FGF1: variants seen among roughly 807,000 people sequenced by gnomAD.
FGF1 encodes the protein fibroblast growth factor 1.
Under a neutral mutation model 13.4 loss-of-function variants are expected in FGF1, and 9 were observed. The observed-to-expected ratio is 0.67, with a 90% CI of 0.40 to 1.17. The LOEUF (loss-of-function observed/expected upper bound fraction) is 1.17. FGF1 is among the 50% of genes most tolerant of loss of function. The pLI, the probability that FGF1 is intolerant of heterozygous loss-of-function variation, is 0.01. For missense variants in FGF1, 156 were observed against 192.7 expected, an observed-to-expected ratio of 0.81 and a Z score of 1.13; for synonymous variants, 93 against 79.0, an observed-to-expected ratio of 1.18 and a Z score of -0.94.
chr5:142,696,384 A>G (rs1279883291), intron 2 of FGF1, among the ~76,000 whole-genome samples: 1 of 151,970 alleles, frequency 6.6e-6, no homozygotes, highest in African/African-American at 2.4e-5. Flanking sequence ...CTGGGGAAAC[A>G]CCCCTTCATT....
intron 1 of FGF1, among the ~76,000 whole-genome samples, chr5:142,648,900 T>C (rs1597320547): frequency 1.3e-5 from 2 of 152,044 alleles, no homozygotes; most frequent in East Asian, 1.9e-4. Flanking sequence ...ATGGATGAGA[T>C]GTATGTGCTT....
At chr5:142,646,525 G>A (rs1642998141) in intron 1 of FGF1, among the ~76,000 whole-genome samples, 1 of 152,068 alleles carries the variant, frequency 6.6e-6, no homozygotes, top group South Asian at 2.1e-4. Flanking sequence ...GCTACTTTTT[G>A]TGTTTTTAGT....
intron 1 of FGF1, among the ~76,000 whole-genome samples, chr5:142,673,558 G>A (rs1771898101): frequency 6.6e-6 from 1 of 152,170 alleles, no homozygotes; most frequent in Non-Finnish European, 1.5e-5. Context: ...ATGATTGTGG[G>A]ATATGGTTCT....
intron 1 of FGF1, among the ~76,000 whole-genome samples, chr5:142,646,934 G>A (rs950717533): frequency 1.3e-5 from 2 of 152,148 alleles, no homozygotes; most frequent in Admixed American, 6.5e-5. Flanking sequence ...TAAATCAATC[G>A]GAGTTGAAGG....
chr5:142,636,726 G>A (rs1015289588), intron 1 of FGF1, among the ~76,000 whole-genome samples: 1 of 150,464 alleles, frequency 6.6e-6, no homozygotes, highest in Admixed American at 6.6e-5. Flanking sequence ...TATTACTAGT[G>A]AGTAGAGAGA....
intron 1 of FGF1, among the ~76,000 whole-genome samples, chr5:142,681,111 A>C (rs115761905): frequency 4.2e-4 from 64 of 152,338 alleles, no homozygotes; most frequent in African/African-American, 1.5e-3. Flanking sequence ...CACGCCCCTC[A>C]CACCTGTTCT....
chr5:142,651,127 G>A (rs937399070), intron 1 of FGF1, among the ~76,000 whole-genome samples: 1 of 152,046 alleles, frequency 6.6e-6, no homozygotes, highest in African/African-American at 2.4e-5. Context: ...TGAGTACCGA[G>A]AAGGGTGCAG....
In FGF1 at chr5:142,614,035, A is replaced by C. The variant is rs781436637; in HGVS notation, c.93T>G (p.Cys31Trp). 1 of 1,614,070 alleles carries C rather than the reference A, an allele frequency of 6.2e-7. No homozygotes were observed. The highest frequency in any genetic ancestry group is 1.1e-5 in the South Asian group (1 of 91,076). Reference sequence around the variant, plus strand: ...TCCTCAGGAAGTGGCCCCCGTTGCTACAGTAGAGGAGTTTGGGCTTCTTGT... The same window carrying C: ...TCCTCAGGAAGTGGCCCCCGTTGCTCCAGTAGAGGAGTTTGGGCTTCTTGT... ...GNYKKPKLLY[C>W]SNGGHFLRIL... Residue 31 changes from cysteine to tryptophan, a missense_variant, in exon 2 of 4, where the codon TGT becomes TGG. Cys to Trp is a radical substitution (Grantham distance 215). Transcript: ENST00000337706.
Position 142,661,970 on chromosome 5 carries a change from A to G in FGF1, c.-35+23987T>C, listed in dbSNP as rs553028624. Among the ~76,000 whole-genome samples, 5 of 152,252 alleles carry G rather than the reference A, an allele frequency of 3.3e-5. No individual in the cohort carries two copies. The East Asian group carries it at 9.6e-4, about 29-fold the overall frequency. On this transcript the variant is annotated intron_variant, in intron 1 of 3. Transcript: ENST00000337706. ...GTGAGCCGAGATTACACTGCACTCC[A>G]GCCTGGGCGACAGAGCAAGACTGCG...
chr5:142,655,542 C>T lies in FGF1; in HGVS notation c.-35+30415G>A, dbSNP rs112733719. Among the ~76,000 whole-genome samples the T allele has an allele frequency of 5.3e-3, 814 of 152,292 alleles. 6 individuals are homozygous for T. Among genetic ancestry groups the T allele is most frequent in the African/African-American group, 0.018 (734 of 41,558 alleles). ...TCTCCTTTGGCTTCTAGATCTAGTTCTTGCTTATCCAAAATTACTAATTCC... is the reference window on the plus strand; with the variant it reads ...TCTCCTTTGGCTTCTAGATCTAGTTTTTGCTTATCCAAAATTACTAATTCC... On this transcript the variant is annotated intron_variant, in intron 1 of 3. Coordinates refer to ENST00000337706, the MANE Select transcript of FGF1 (RefSeq NM_000800.5).
At chr5:142,687,631 T>A (rs1751468829), upstream of FGF1, among the ~76,000 whole-genome samples, 1 of 152,136 alleles carries the variant, frequency 6.6e-6, no homozygotes, top group African/African-American at 2.4e-5. Context: ...TGGACAATGG[T>A]TTTCCAAGTA....
chr5:142,668,391 C>T (rs1325708739), intron 1 of FGF1, among the ~76,000 whole-genome samples: 1 of 152,228 alleles, frequency 6.6e-6, no homozygotes, highest in Non-Finnish European at 1.5e-5. Context: ...CTCCCGCATT[C>T]GTGATGTTTA....
intron 1 of FGF1, among the ~76,000 whole-genome samples, chr5:142,658,977 G>C (rs1315870617): frequency 6.6e-6 from 1 of 152,112 alleles, no homozygotes; most frequent in African/African-American, 2.4e-5. Context: ...TGCACTCTGA[G>C]ATGAGCTGGG....
intron 2 of FGF1, among the ~76,000 whole-genome samples, chr5:142,693,868 C>T (rs1752637927): frequency 1.3e-5 from 2 of 152,062 alleles, no homozygotes; most frequent in South Asian, 4.1e-4. Context: ...CTTTTTATTG[C>T]TGAATAATAT....
At chr5:142,663,249 G>GAAAAAAAA (rs60474431) in intron 1 of FGF1, among the ~76,000 whole-genome samples, 1 of 138,720 alleles carries the variant, frequency 7.2e-6, no homozygotes. Flanking sequence ...AATCAGGAAA[G>GAAAAAAAA]AAAAAAAAAA....
upstream of FGF1, among the ~76,000 whole-genome samples, chr5:142,688,000 G>C (rs781767700): frequency 6.6e-6 from 1 of 152,146 alleles, no homozygotes; most frequent in Non-Finnish European, 1.5e-5. Context: ...AAGTGTGTTC[G>C]AGCACCTTGA....
intron 1 of FGF1, among the ~76,000 whole-genome samples, chr5:142,638,069 C>G (rs533574538): frequency 6.6e-6 from 1 of 152,102 alleles, no homozygotes; most frequent in Non-Finnish European, 1.5e-5. Context: ...TGGCAGTGAA[C>G]AAAGCCGGCA....
rs768317949 is a variant in FGF1 at position 142,683,821 on chromosome 5, CAAAAAAAAAA to C, written c.-35+2126_-35+2135del. On this transcript the variant is annotated intron_variant, in intron 1 of 3. Coordinates refer to ENST00000337706, the MANE Select transcript of FGF1 (RefSeq NM_000800.5). ...GAGCAACAAGAGTGAAACTCTGTCT[CAAAAAAAAAA>C]AAAAAAAAAAAAGGAAAAGAAAATT... Among the ~76,000 whole-genome samples, 35 of 49,750 alleles carry C rather than the reference CAAAAAAAAAA, an allele frequency of 7.0e-4. No homozygotes were observed. In the South Asian group the frequency reaches 0.023, roughly 32 times the overall value. 32.6% of individuals were successfully genotyped at this position (49,750 alleles called of 152,430 possible). A position where few individuals can be genotyped will look rare whatever the true frequency, so the allele number is the denominator to read the frequency against.
intron 1 of FGF1, among the ~76,000 whole-genome samples, chr5:142,683,822 A>G (rs1312466332): frequency 2.3e-5 from 2 of 85,218 alleles, no homozygotes; most frequent in Non-Finnish European, 5.2e-5. Context: ...ACTCTGTCTC[A>G]AAAAAAAAAA....
Sources: gnomAD v4.1 joint callset for allele counts (sites outside exome capture counted in the v4.1 genomes callset) on GRCh38, gnomAD v4.1.1 for gene constraint, MANE v1.5 for transcripts, NCBI Gene and HGNC (gene_info 2026-07-23, HGNC 2026-07-21) for gene names.